Variants in ANKRD36C observed in about 807,000 individuals in gnomAD.
The protein encoded by ANKRD36C is ankyrin repeat domain 36C.
In ANKRD36C, 61 loss-of-function variants were observed where a neutral mutation model predicts 276.4. That is an observed-to-expected ratio of 0.22 (90% CI 0.18 to 0.27). ANKRD36C has a LOEUF of 0.27. Among genes scored for constraint, ANKRD36C ranks in the 10% least tolerant of loss-of-function variants. ANKRD36C has a pLI of 1.00. For synonymous variants in ANKRD36C, 483 were observed against 680.1 expected, an observed-to-expected ratio of 0.71 and a Z score of 4.51; for missense variants, 1,447 against 2,032.3, an observed-to-expected ratio of 0.71 and a Z score of 5.54.
chr2:95,890,622 T>C (rs1209012619), intron 46 of ANKRD36C, among the ~76,000 whole-genome samples: 4 of 151,532 alleles, frequency 2.6e-5, no homozygotes, highest in Non-Finnish European at 5.9e-5. Context: ...AGTATAGACT[T>C]CTGAAAGTTT....
chr2:95,871,590 A>G (rs1423584450), intron 59 of ANKRD36C, among the ~76,000 whole-genome samples: 2 of 152,188 alleles, frequency 1.3e-5, no homozygotes, highest in East Asian at 3.8e-4. Context: ...CATCGAGACT[A>G]GGAAGAAACT....
At chr2:95,857,119 C>T (rs1005124960) in intron 62 of ANKRD36C, among the ~76,000 whole-genome samples, 190 bp downstream of exon 82, 2 of 151,744 alleles carry the variant, frequency 1.3e-5, no homozygotes, top group Non-Finnish European at 2.9e-5. Flanking sequence ...TTCAAAAGGC[C>T]TTTGAACTAA....
chr2:95,874,047 A>G (rs7558406), intron 59 of ANKRD36C, among the ~76,000 whole-genome samples: 129,385 of 151,642 alleles, frequency 0.85, 55,628 homozygotes, highest in African/African-American at 0.95. Flanking sequence ...ACAAATGGAA[A>G]AACATTCCAT....
chr2:95,864,826 C>G lies in ANKRD36C; in HGVS notation c.3682+2614G>C, dbSNP rs4063045. ...CTAAAATATTCACTATCCTTAGTAACAGGGTAGTTTGAGAAAGAAAGGTTT... is the reference window on the plus strand; with the variant it reads ...CTAAAATATTCACTATCCTTAGTAAGAGGGTAGTTTGAGAAAGAAAGGTTT... On this transcript the variant is annotated intron_variant, in intron 60 of 66. Transcript: ENST00000456556. Among the ~76,000 whole-genome samples the G allele has an allele frequency of 3.0e-4, 45 of 152,056 alleles. 1 individual carries two copies. The South Asian group carries it at 8.3e-3, about 28-fold the overall frequency.
chr2:95,924,022 G>A (rs539275434), intron 30 of ANKRD36C, among the ~76,000 whole-genome samples: 3 of 151,782 alleles, frequency 2.0e-5, no homozygotes, highest in African/African-American at 4.8e-5. Context: ...GAGAATCAAT[G>A]TCAAAGCAGG....
chr2:95,882,386 G>A lies in ANKRD36C; in HGVS notation c.3295-12C>T. ...TTTTTAAATATAACCTGAATGGAAA[G>A]AGAAACAAAATAGTCAATACATAAT... is the stretch of plus-strand genomic sequence containing the variant. On this transcript the variant is annotated splice_polypyrimidine_tract_variant and intron_variant, in intron 55 of 66. Transcript: ENST00000456556. 6.5e-7 allele frequency: 1 copy of A among 1,548,938 alleles called. No individual in the cohort carries two copies. Among genetic ancestry groups the A allele is most frequent in the African/African-American group, 1.4e-5 (1 of 72,922 alleles).
intron 34 of ANKRD36C, 99 bp downstream of exon 34, chr2:95,921,508 G>A (rs1274205106): frequency 1.1e-5 from 16 of 1,479,184 alleles, no homozygotes; most frequent in African/African-American, 5.7e-5. Context: ...GTGCAGCTTC[G>A]GCGAGCCCCC....
At chr2:95,990,967 G>C (rs1036330597) in intron 1 of ANKRD36C, among the ~76,000 whole-genome samples, 1 of 152,114 alleles carries the variant, frequency 6.6e-6, no homozygotes, top group Non-Finnish European at 1.5e-5. Context: ...GCAGCATGGT[G>C]AGTGATTGGA....
At chr2:95,917,570 C>T (rs1457310294) in intron 36 of ANKRD36C, among the ~76,000 whole-genome samples, 2 of 151,526 alleles carry the variant, frequency 1.3e-5, no homozygotes, top group Admixed American at 6.6e-5. Flanking sequence ...TAAAGCAAAA[C>T]TATGCTGTTC....
intron 3 of ANKRD36C, among the ~76,000 whole-genome samples, chr2:95,985,839 C>G (rs1273396968): frequency 6.6e-6 from 1 of 152,076 alleles, no homozygotes; most frequent in Non-Finnish European, 1.5e-5. Context: ...AGCTCAAAAT[C>G]CAACTTGATT....
At chr2:95,912,380 T>C in intron 41 of ANKRD36C, 27 bp downstream of exon 43, 1 of 1,603,774 alleles carries the variant, frequency 6.2e-7, no homozygotes, top group Non-Finnish European at 8.5e-7. Flanking sequence ...GTTTACTAGC[T>C]CACAATATGA....
exon 63 of ANKRD36C, chr2:95,855,698 C>G (rs1436342557): frequency 6.2e-6 from 10 of 1,612,418 alleles, no homozygotes; most frequent in Non-Finnish European, 8.5e-6. Context: ...TGAACTTACT[C>G]TCAGCTTTAG....
At chr2:95,926,427 C>T (rs545183501) in intron 28 of ANKRD36C, among the ~76,000 whole-genome samples, 2 of 151,716 alleles carry the variant, frequency 1.3e-5, no homozygotes, top group East Asian at 3.9e-4. Context: ...TCATGTTATT[C>T]TCTAAAGCAT....
intron 18 of ANKRD36C, 112 bp downstream of exon 18, chr2:95,945,002 A>C (rs1451167084): frequency 1.5e-5 from 21 of 1,360,286 alleles, no homozygotes; most frequent in African/African-American, 1.5e-5. Context: ...ATGCCACTGC[A>C]CTCCAGCCTG....
Position 95,958,582 on chromosome 2 carries a change from C to A in ANKRD36C, c.1105+9G>T, listed in dbSNP as rs1209110854. 1.3e-6 allele frequency: 2 copies of A among 1,544,684 alleles called. No individual in the cohort carries two copies. The highest frequency in any genetic ancestry group is 1.7e-6 in the Non-Finnish European group (2 of 1,146,462). ...TGTACATGGCATTAAATGTGTATTGCAAAATTACCTGTCCCAGATTTTTGT... is the reference window on the plus strand; with the variant it reads ...TGTACATGGCATTAAATGTGTATTGAAAAATTACCTGTCCCAGATTTTTGT... On this transcript the variant is annotated intron_variant, in intron 12 of 66. Coordinates refer to ENST00000456556, the Ensembl canonical transcript of ANKRD36C.
At chr2:95,965,323 A>T (rs571231610) in intron 6 of ANKRD36C, among the ~76,000 whole-genome samples, 1 of 152,188 alleles carries the variant, frequency 6.6e-6, no homozygotes, top group South Asian at 2.1e-4. Context: ...ACATCCGGGA[A>T]CACTCTATAG....
chr2:95,951,357 T>C, exon 15 of ANKRD36C: 27 of 1,494,728 alleles, frequency 1.8e-5, no homozygotes, highest in East Asian at 2.5e-5. Flanking sequence ...CCATCTTCTA[T>C]AGATCGTGGA....
intron 3 of ANKRD36C, among the ~76,000 whole-genome samples, chr2:95,985,578 TA>T (rs1679010980): frequency 6.6e-6 from 1 of 152,198 alleles, no homozygotes; most frequent in Admixed American, 6.5e-5. Flanking sequence ...ATATTAGATT[TA>T]CTATATTAAA....
chr2:95,887,299 T>A (rs1306098302), intron 50 of ANKRD36C, among the ~76,000 whole-genome samples: 1 of 151,492 alleles, frequency 6.6e-6, no homozygotes, highest in African/African-American at 2.4e-5. Context: ...ATCCCAATTC[T>A]AGCATTATCT....
Sources: gnomAD v4.1 joint callset for allele counts (sites outside exome capture counted in the v4.1 genomes callset) on GRCh38, gnomAD v4.1.1 for gene constraint, MANE v1.5 for transcripts, NCBI Gene and HGNC (gene_info 2026-07-23, HGNC 2026-07-21) for gene names.